HDAC9: variants seen among roughly 807,000 people sequenced by gnomAD.
The protein encoded by HDAC9 is histone deacetylase 9, also known as MEF-2 interacting transcription repressor (MITR) protein.
A neutral mutation model predicts 139.4 loss-of-function variants in HDAC9; 41 were observed. The observed-to-expected ratio is 0.29, with a 90% CI of 0.23 to 0.38. The LOEUF (loss-of-function observed/expected upper bound fraction) is 0.38. Among genes scored for constraint, HDAC9 ranks in the 10% least tolerant of loss-of-function variants. HDAC9 has a pLI of 1.00. For missense variants in HDAC9, 1,147 were observed against 1,297.0 expected (o/e 0.88, Z 1.78); for synonymous variants, 517 against 476.2 (o/e 1.09, Z -1.12).
At chr7:18,393,181 A>G (rs1205802252) in intron 1 of HDAC9, among the ~76,000 whole-genome samples, 1 of 152,070 alleles carries the variant, frequency 6.6e-6, no homozygotes, top group Admixed American at 6.6e-5. Context: ...AAATCTGAGG[A>G]ACAATAATCA....
At chr7:18,633,335 T>A (rs1342465466) in intron 7 of HDAC9, among the ~76,000 whole-genome samples, 1 of 152,070 alleles carries the variant, frequency 6.6e-6, no homozygotes, top group Non-Finnish European at 1.5e-5. Flanking sequence ...TAAGCTATAT[T>A]GCCAAGGCTT....
At chr7:18,417,421 A>G (rs1311312225) in intron 1 of HDAC9, among the ~76,000 whole-genome samples, 1 of 151,962 alleles carries the variant, frequency 6.6e-6, no homozygotes, top group African/African-American at 2.4e-5. Context: ...TCTCCTCACT[A>G]TGGGTCATAT....
At chr7:18,090,057 C>T (rs546391223) in intron 1 of HDAC9, among the ~76,000 whole-genome samples, 7 of 152,094 alleles carry the variant, frequency 4.6e-5, no homozygotes, top group African/African-American at 1.7e-4. Flanking sequence ...ACAATTGTTT[C>T]CCAGTTTGTT....
At chr7:18,393,544 C>T (rs370656742) in intron 1 of HDAC9, among the ~76,000 whole-genome samples, 3 of 151,928 alleles carry the variant, frequency 2.0e-5, no homozygotes, top group African/African-American at 7.3e-5. Flanking sequence ...TGAGGTGAGG[C>T]AGGGAGGGGG....
intron 24 of HDAC9, among the ~76,000 whole-genome samples, chr7:18,963,599 A>C (rs757380912): frequency 6.6e-6 from 1 of 152,320 alleles, no homozygotes; most frequent in East Asian, 1.9e-4. Context: ...TAATAGATAA[A>C]GAGTATTCAT....
intron 21 of HDAC9, among the ~76,000 whole-genome samples, chr7:18,843,296 T>A (rs1353193995): frequency 1.3e-5 from 2 of 152,148 alleles, no homozygotes; most frequent in African/African-American, 2.4e-5. Flanking sequence ...GTATGTGTAA[T>A]ACTTTGAAAT....
At chr7:18,547,426 G>A (rs932157606) in intron 2 of HDAC9, among the ~76,000 whole-genome samples, 2 of 152,074 alleles carry the variant, frequency 1.3e-5, no homozygotes, top group African/African-American at 4.8e-5. Context: ...TAGTGGAGAC[G>A]GGGTTTCACC....
intron 21 of HDAC9, among the ~76,000 whole-genome samples, chr7:18,841,564 T>C (rs1387332094): frequency 6.6e-6 from 1 of 152,142 alleles, no homozygotes; most frequent in Admixed American, 6.6e-5. Context: ...AGCTGGTATA[T>C]GGTGATCAGG....
At chr7:18,918,674 T>A (rs1269578051) in intron 22 of HDAC9, among the ~76,000 whole-genome samples, 2 of 152,062 alleles carry the variant, frequency 1.3e-5, no homozygotes, top group Non-Finnish European at 2.9e-5. Context: ...TAACACAGTT[T>A]GACCGCATAG....
In HDAC9 at chr7:18,961,138, T is replaced by C. The variant is rs183452301; in HGVS notation, c.3022+6908T>C. 3.3e-4 allele frequency among the ~76,000 whole-genome samples: 50 copies of C among 152,240 alleles called. No individual in the cohort carries two copies. In the East Asian group the frequency reaches 9.1e-3, roughly 28 times the overall value. ...TCCTCTCTCTTCCATTTCCATCCTA[T>C]TGAGATCCAGGGGAGAAGGACAAGA... On this transcript the variant is annotated intron_variant, in intron 24 of 25. Transcript: ENST00000686413.
intron 2 of HDAC9, among the ~76,000 whole-genome samples, chr7:18,253,532 T>C (rs945109311): frequency 6.6e-6 from 1 of 152,234 alleles, no homozygotes; most frequent in African/African-American, 2.4e-5. Context: ...CATATGCTTG[T>C]TGGCCACATG....
At chr7:18,448,278 C>G (rs2128099775) in intron 1 of HDAC9, among the ~76,000 whole-genome samples, 1 of 152,282 alleles carries the variant, frequency 6.6e-6, no homozygotes, top group South Asian at 2.1e-4. Flanking sequence ...ATGAAGCCAA[C>G]TAAGACCAAA....
At position 18,688,245 on chromosome 7, in the gene HDAC9, A is replaced by AAGAAATGATGGAGG. The variant is rs1450603945; in HGVS notation, c.1731+21771_1731+21784dup. On this transcript the variant is annotated intron_variant, in intron 12 of 25. Coordinates refer to ENST00000686413, the MANE Select transcript of HDAC9 (RefSeq NM_178425.4). ...ATAAAGAATAATATTCTCAGAGAGCAAGAAATGATGGAGGAAAAATGCTGT... is the reference window on the plus strand; with the variant it reads ...ATAAAGAATAATATTCTCAGAGAGCAAGAAATGATGGAGGAGAAATGATGGAGGAAAAATGCTGT... 2.3e-4 allele frequency among the ~76,000 whole-genome samples: 35 copies of AAGAAATGATGGAGG among 152,004 alleles called. 2 individuals carry two copies. The highest frequency in any genetic ancestry group is 8.4e-4 in the African/African-American group (35 of 41,548).
chr7:18,853,353 A>G (rs186723948), intron 21 of HDAC9, among the ~76,000 whole-genome samples: 4 of 151,046 alleles, frequency 2.6e-5, no homozygotes, highest in East Asian at 1.9e-4. Context: ...ATCCATTAGG[A>G]AAAAAAAATG....
At chr7:18,683,418 T>A (rs544411649) in intron 12 of HDAC9, among the ~76,000 whole-genome samples, 9 of 152,180 alleles carry the variant, frequency 5.9e-5, no homozygotes, top group Middle Eastern at 3.4e-3. Flanking sequence ...CTACATCCAG[T>A]TCCATGTTCT....
intron 1 of HDAC9, among the ~76,000 whole-genome samples, chr7:18,392,316 C>T (rs1786588235): frequency 1.7e-5 from 1 of 58,896 alleles, no homozygotes; most frequent in Admixed American, 1.6e-4. Flanking sequence ...CTCTCTCTCT[C>T]ACACACACAC....
At chr7:18,341,997 T>C (rs966319502) in intron 1 of HDAC9, among the ~76,000 whole-genome samples, 1 of 151,870 alleles carries the variant, frequency 6.6e-6, no homozygotes, top group Non-Finnish European at 1.5e-5. Flanking sequence ...CTGTACTCAG[T>C]GTCCCGTGAT....
At chr7:18,587,177 G>T (rs1016081692) in intron 3 of HDAC9, among the ~76,000 whole-genome samples, 10 of 152,062 alleles carry the variant, frequency 6.6e-5, no homozygotes, top group African/African-American at 2.2e-4. Context: ...TGTTTAGAAA[G>T]AAATTTATTG....
intron 2 of HDAC9, among the ~76,000 whole-genome samples, chr7:18,542,507 C>G (rs1813336646): frequency 6.6e-6 from 1 of 152,096 alleles, no homozygotes; most frequent in African/African-American, 2.4e-5. Context: ...TCCTACAGTA[C>G]AGGAAAATTC....
Sources: allele counts gnomAD v4.1 joint callset (sites outside exome capture counted in the v4.1 genomes callset), GRCh38; gene constraint gnomAD v4.1.1; transcripts MANE v1.5; gene names NCBI Gene and HGNC (gene_info 2026-07-23, HGNC 2026-07-21).